DOCK1: variants seen among roughly 807,000 people sequenced by gnomAD.
The protein encoded by DOCK1 is dedicator of cytokinesis protein 1.
A neutral mutation model predicts 262.7 loss-of-function variants in DOCK1; 138 were observed. That is an observed-to-expected ratio of 0.53 (90% CI 0.46 to 0.61). The LOEUF (loss-of-function observed/expected upper bound fraction) is 0.61, where lower values mean the gene tolerates loss of function less well. DOCK1 is among the 20% of genes least tolerant of loss of function. The pLI, the probability that DOCK1 is intolerant of heterozygous loss-of-function variation, is 0.00. For synonymous variants in DOCK1, 866 were observed against 867.4 expected, an observed-to-expected ratio of 1.00 and a Z score of 0.03; for missense variants, 1,908 against 2,370.7, an observed-to-expected ratio of 0.80 and a Z score of 4.05.
Position 126,997,943 on chromosome 10 carries a change from G to A in DOCK1, c.610-149G>A, listed in dbSNP as rs938163578. The A allele has an allele frequency of 6.0e-5, 58 of 964,490 alleles. No individual in the cohort carries two copies. The African/African-American group carries it at 8.8e-4, about 15-fold the overall frequency. The allele number at this position is 964,490 out of a possible 1,614,324, so 59.7% of individuals were successfully genotyped here. On this transcript the variant is annotated intron_variant, in intron 7 of 51. Coordinates refer to ENST00000623213, the MANE Select transcript of DOCK1 (RefSeq NM_001290223.2). ...GTGTGAATGCATGATTTAAGAATGT[G>A]CAGGGGAGATAAGAAAGTGACTGCA...
At chr10:127,351,499 C>G (rs1373131752) in intron 31 of DOCK1, among the ~76,000 whole-genome samples, 1 of 152,164 alleles carries the variant, frequency 6.6e-6, no homozygotes, top group Non-Finnish European at 1.5e-5. Context: ...GGGGTGCGTG[C>G]TGTGGGTGTG....
At chr10:127,247,060 C>T (rs529326436) in intron 27 of DOCK1, among the ~76,000 whole-genome samples, 1 of 152,266 alleles carries the variant, frequency 6.6e-6, no homozygotes, top group South Asian at 2.1e-4. Flanking sequence ...TGAGCAATTG[C>T]AGTTAATGGC....
Position 127,425,952 on chromosome 10 carries a change from G to A in DOCK1, c.4855G>A (p.Glu1619Lys), listed in dbSNP as rs192122020. 7.9e-5 allele frequency: 127 copies of A among 1,614,054 alleles called. 1 individual carries two copies. The African/African-American group carries it at 1.5e-3, about 19-fold the overall frequency. ...ACTGAGGCCGTTCCACGAGAGGATG[G>A]AGGCCTGTTTCAAACAGCTGAAGGA... is the stretch of plus-strand genomic sequence containing the variant. ...EALRPFHERMEACFKQLKEKV... is the reference protein window; with the variant it reads ...EALRPFHERMKACFKQLKEKV... The change falls in exon 47 of 52, where the codon GAG (glutamate) becomes AAG (lysine). Residue 1619 changes from glutamate to lysine, a missense_variant. By Grantham distance (56) the Glu-to-Lys change is moderately conservative (BLOSUM62 1). Coordinates refer to ENST00000623213, the MANE Select transcript of DOCK1 (RefSeq NM_001290223.2).
chr10:127,424,783 C>T (rs1440544605), intron 46 of DOCK1, among the ~76,000 whole-genome samples: 2 of 152,134 alleles, frequency 1.3e-5, no homozygotes, highest in Non-Finnish European at 2.9e-5. Context: ...GATAACTGGC[C>T]AGAAAGGCCT....
At chr10:127,208,298 G>A (rs191080469) in intron 27 of DOCK1, among the ~76,000 whole-genome samples, 5 of 152,256 alleles carry the variant, frequency 3.3e-5, no homozygotes, top group African/African-American at 7.2e-5. Context: ...TATTCACCAC[G>A]TTCCCCTGAG....
intron 29 of DOCK1, among the ~76,000 whole-genome samples, chr10:127,304,434 C>T (rs1324340601): frequency 1.3e-5 from 2 of 151,834 alleles, no homozygotes; most frequent in South Asian, 2.1e-4. Context: ...CAGCCCTTTT[C>T]CTGAAGTTTC....
chr10:126,984,665 G>A (rs529983559), intron 4 of DOCK1, among the ~76,000 whole-genome samples: 60 of 151,858 alleles, frequency 4.0e-4, no homozygotes, highest in African/African-American at 1.2e-3. Flanking sequence ...CACCGCACCC[G>A]GCCAAAAAAT....
At chr10:127,201,214 C>T (rs1020397809) in intron 27 of DOCK1, among the ~76,000 whole-genome samples, 1 of 152,222 alleles carries the variant, frequency 6.6e-6, no homozygotes, top group African/African-American at 2.4e-5. Context: ...CTGCATCATT[C>T]CCCTTGTCAT....
At position 127,354,692 on chromosome 10, in the gene DOCK1, T is replaced by C. The variant is rs955714301; in HGVS notation, c.3248T>C (p.Ile1083Thr). Residue 1083 changes from isoleucine to threonine, a missense_variant, in exon 32 of 52, where the codon ATT (isoleucine) becomes ACT (threonine). By Grantham distance (89) the Ile-to-Thr change is moderately conservative. This residue lies in a region of DOCK1 where 518 missense variants were observed against 575.1 expected (regional missense o/e 0.90). Coordinates refer to ENST00000623213, the MANE Select transcript of DOCK1 (RefSeq NM_001290223.2). ...AGGTACGGAGATATGAGGAGACAGA[T>C]TGGCTTTGAAATCAGAGACATGTGG... ...LNKYGDMRRQ[I>T]GFEIRDMWYN... 5.6e-6 allele frequency: 9 copies of C among 1,613,970 alleles called. No homozygotes were observed. Among genetic ancestry groups the C allele is most frequent in the South Asian group, 1.1e-5 (1 of 91,082 alleles).
intron 27 of DOCK1, among the ~76,000 whole-genome samples, chr10:127,241,118 T>G (rs2059248595): frequency 6.6e-6 from 1 of 151,964 alleles, no homozygotes; most frequent in African/African-American, 2.4e-5. Flanking sequence ...AGATCAGGAG[T>G]TCGAGATCAG....
chr10:127,123,715 C>T (rs1485160748), intron 25 of DOCK1, among the ~76,000 whole-genome samples: 1 of 152,166 alleles, frequency 6.6e-6, no homozygotes. Flanking sequence ...TTCTCTTAGA[C>T]TGGCTTTGTT....
intron 27 of DOCK1, among the ~76,000 whole-genome samples, chr10:127,158,307 A>G (rs189236559): frequency 3.3e-5 from 5 of 152,376 alleles, no homozygotes; most frequent in Admixed American, 2.6e-4. Context: ...CTGCTAGAGC[A>G]GATTCTTCTC....
At chr10:126,990,001 C>G (rs558306142) in intron 5 of DOCK1, among the ~76,000 whole-genome samples, 1 of 152,156 alleles carries the variant, frequency 6.6e-6, no homozygotes, top group Non-Finnish European at 1.5e-5. Flanking sequence ...AGTTCAGGTT[C>G]TCAGTGTGCT....
At chr10:127,210,030 C>T (rs192657292) in intron 27 of DOCK1, among the ~76,000 whole-genome samples, 25 of 152,278 alleles carry the variant, frequency 1.6e-4, no homozygotes, top group African/African-American at 6.0e-4. Context: ...TGGTACAAAT[C>T]ATCTTTCTCT....
chr10:127,275,780 A>C (rs1334472928), intron 29 of DOCK1, among the ~76,000 whole-genome samples: 1 of 152,154 alleles, frequency 6.6e-6, no homozygotes, highest in Non-Finnish European at 1.5e-5. Context: ...TGGTTGGATG[A>C]TGGAAAAAAA....
chr10:127,081,836 T>A (rs1340546017), intron 23 of DOCK1, among the ~76,000 whole-genome samples: 2 of 152,180 alleles, frequency 1.3e-5, no homozygotes, highest in Non-Finnish European at 2.9e-5. Context: ...ATTTGAAGTA[T>A]CTGATTTTGG....
chr10:127,280,610 G>A (rs200456008), intron 29 of DOCK1, among the ~76,000 whole-genome samples: 2 of 152,086 alleles, frequency 1.3e-5, no homozygotes, highest in African/African-American at 2.4e-5. Context: ...GCCTCTTGCC[G>A]AGCACTTTAA....
rs374073308 is a variant in DOCK1, at chr10:127,419,710, T to C, written c.4737T>C (p.His1579=). Residue 1579 remains histidine (H), a synonymous_variant, in exon 46 of 52, where the codon CAT becomes CAC. Transcript: ENST00000623213. ...ACCTGCAGGAGCACCCTGAGGCCCATGAAAAGATCGAGAAGCTCAAGGACC... is the reference window on the plus strand; with the variant it reads ...ACCTGCAGGAGCACCCTGAGGCCCACGAAAAGATCGAGAAGCTCAAGGACC... ...DRYLQEHPEA[H]EKIEKLKDLI... The C allele has an allele frequency of 7.5e-6, 12 of 1,605,596 alleles. No homozygotes were observed. Among genetic ancestry groups the C allele is most frequent in the South Asian group, 1.1e-5 (1 of 89,096 alleles).
intron 1 of DOCK1, among the ~76,000 whole-genome samples, chr10:126,912,987 A>T (rs1396158258): frequency 1.4e-5 from 2 of 144,420 alleles, no homozygotes; most frequent in East Asian, 2.1e-4. Context: ...TGGCCTTTGA[A>T]TTTTTTTTTT....
Sources: allele counts gnomAD v4.1 joint callset (sites outside exome capture counted in the v4.1 genomes callset), GRCh38; gene constraint gnomAD v4.1.1; regional missense constraint gnomAD v4.1.1; transcripts MANE v1.5; gene names NCBI Gene and HGNC (gene_info 2026-07-23, HGNC 2026-07-21).